Variants in RBM19 observed in about 807,000 individuals in gnomAD.
RBM19 encodes the protein probable RNA-binding protein 19.
A neutral mutation model predicts 116.8 loss-of-function variants in RBM19; 94 were observed. That is an observed-to-expected ratio of 0.80 (90% CI 0.68 to 0.95). The LOEUF (loss-of-function observed/expected upper bound fraction) is 0.95. Among genes scored for constraint, RBM19 ranks in the 40% least tolerant of loss-of-function variants. The probability of loss-of-function intolerance (pLI) is 0.00; values close to 1 mark genes in which losing one functional copy is unlikely to be tolerated. For missense variants in RBM19, 1,161 were observed against 1,220.7 expected (o/e 0.95, Z 0.73); for synonymous variants, 475 against 494.1 (o/e 0.96, Z 0.51).
intron 21 of RBM19, among the ~76,000 whole-genome samples, chr12:113,882,226 C>T (rs1201645258): frequency 6.6e-6 from 1 of 152,168 alleles, no homozygotes; most frequent in Non-Finnish European, 1.5e-5. Flanking sequence ...GAACCCCATT[C>T]CTCTTGCATA....
chr12:113,937,401 T>C (rs1263275371), intron 15 of RBM19: 2 of 319,052 alleles, frequency 6.3e-6, no homozygotes, highest in African/African-American at 2.1e-5. Flanking sequence ...CAGGCCCCCT[T>C]TGTGTTTTTT....
intron 21 of RBM19, among the ~76,000 whole-genome samples, chr12:113,867,567 G>T (rs1878915558): frequency 6.6e-6 from 1 of 152,154 alleles, no homozygotes; most frequent in Non-Finnish European, 1.5e-5. Flanking sequence ...GTTTAAAACT[G>T]ATAAATAATA....
At chr12:113,830,984 G>T (rs1875361356) in intron 23 of RBM19, among the ~76,000 whole-genome samples, 5 of 152,192 alleles carry the variant, frequency 3.3e-5, no homozygotes, top group Non-Finnish European at 2.9e-5. Flanking sequence ...AGTCCAGGGG[G>T]TCGGGGGAGA....
chr12:113,862,731 CG>C (rs960385481), intron 21 of RBM19, among the ~76,000 whole-genome samples: 15 of 152,016 alleles, frequency 9.9e-5, no homozygotes, highest in Non-Finnish European at 2.1e-4. Flanking sequence ...CTCTGCCGCT[CG>C]GGGGGAAGGA....
At chr12:113,828,859 T>C (rs760959009) in intron 23 of RBM19, among the ~76,000 whole-genome samples, 18 of 152,144 alleles carry the variant, frequency 1.2e-4, no homozygotes, top group Non-Finnish European at 2.1e-4. Context: ...CCTACCCAGA[T>C]AGGTCTGCAT....
chr12:113,889,674 A>C (rs201236240), intron 21 of RBM19, among the ~76,000 whole-genome samples: 1,067 of 32,882 alleles, frequency 0.032, 10 homozygotes, highest in African/African-American at 0.21. Flanking sequence ...AACAAACAAC[A>C]AAAAAAAAAA....
At chr12:113,848,597 G>C (rs903607374) in intron 22 of RBM19, among the ~76,000 whole-genome samples, 1 of 152,148 alleles carries the variant, frequency 6.6e-6, no homozygotes, top group African/African-American at 2.4e-5. Context: ...AGGGGCTTTT[G>C]GGTTGGCACA....
chr12:113,955,200 T>C lies in RBM19; in HGVS notation c.852A>G (p.Pro284=). 1.9e-6 allele frequency: 3 copies of C among 1,614,134 alleles called. No homozygotes were observed. Among genetic ancestry groups the C allele is most frequent in the Non-Finnish European group, 2.5e-6 (3 of 1,180,004 alleles). Residue 284 remains proline (P), a synonymous_variant, in exon 7 of 24, where the codon CCA becomes CCG. Transcript: ENST00000261741. ...PPEARAETEK[P]ANQKEPTTCH... ...AGGTGGTGGGTTCCTTCTGGTTTGCTGGTTTCTCTGTCTGAGTGATCACAA... is the reference window on the plus strand; with the variant it reads ...AGGTGGTGGGTTCCTTCTGGTTTGCCGGTTTCTCTGTCTGAGTGATCACAA...
intron 23 of RBM19, 29 bp downstream of exon 23, chr12:113,844,639 G>A (rs1565969990): frequency 6.3e-7 from 1 of 1,592,868 alleles, no homozygotes; most frequent in Non-Finnish European, 8.6e-7. Context: ...GGGCCCATGA[G>A]TCAGCCCAAA....
intron 21 of RBM19, among the ~76,000 whole-genome samples, chr12:113,864,845 A>G (rs1380848199): frequency 6.6e-6 from 1 of 152,190 alleles, no homozygotes; most frequent in African/African-American, 2.4e-5. Flanking sequence ...GTGGGTTTCA[A>G]TGGGTACTAG....
chr12:113,904,690 T>G (rs1306636539), intron 21 of RBM19, among the ~76,000 whole-genome samples: 1 of 152,040 alleles, frequency 6.6e-6, no homozygotes, highest in East Asian at 1.9e-4. Flanking sequence ...CAAACACACA[T>G]AGACACACGG....
Position 113,942,414 on chromosome 12 carries a change from G to A in RBM19, c.1647C>T (p.Ala549=), listed in dbSNP as rs1267431500. ...GGGTTTCCCCCAGAGCCACGCGCAC[G>A]GCCACGCTGCCCTTGGTCTCCTGTG... ...VFDHETKGSV[A]VRVALGETQL... is the part of the protein sequence containing the mutation. The change falls in exon 14 of 24, where the codon GCC becomes GCT. Residue 549 remains alanine (A), a synonymous_variant. Coordinates refer to ENST00000261741, the MANE Select transcript of RBM19 (RefSeq NM_016196.4). The A allele has an allele frequency of 6.8e-6, 11 of 1,607,778 alleles. No individual in the cohort carries two copies. Among genetic ancestry groups the A allele is most frequent in the African/African-American group, 1.3e-5 (1 of 74,870 alleles).
chr12:113,949,960 G>A, intron 9 of RBM19, 123 bp downstream of exon 9: 2 of 895,744 alleles, frequency 2.2e-6, no homozygotes, highest in South Asian at 3.2e-5. Context: ...GCCTAGAACA[G>A]TGTCTGCAGA....
intron 21 of RBM19, among the ~76,000 whole-genome samples, chr12:113,875,088 C>T (rs3782445): frequency 0.05 from 7,681 of 152,294 alleles, 416 homozygotes; most frequent in Admixed American, 0.16. Context: ...GCGGCGAAGC[C>T]ACGGTGCGGA....
downstream of RBM19, chr12:113,818,243 G>A (rs942703151): frequency 2.9e-5 from 4 of 138,586 alleles, no homozygotes; most frequent in African/African-American, 5.6e-5. Flanking sequence ...AAAAAGAAAG[G>A]GTTAGGAACA....
Position 113,937,109 on chromosome 12 carries a change from A to G in RBM19, c.1966T>C (p.Trp656Arg). The G allele has an allele frequency of 6.2e-7, 1 of 1,613,866 alleles. No homozygotes were observed. The highest frequency in any genetic ancestry group is 8.5e-7 in the Non-Finnish European group (1 of 1,179,870). The part of the protein sequence containing the change: ...KFHHVPLYLE[W>R]APVGVFSSTA... ...CTGGAGAAGACGCCAACTGGAGCCCACTCCAGATAGAGGGGGACATGATGG... is the reference window on the plus strand; with the variant it reads ...CTGGAGAAGACGCCAACTGGAGCCCGCTCCAGATAGAGGGGGACATGATGG... Residue 656 changes from tryptophan to arginine, a missense_variant, in exon 16 of 24, where the codon TGG (tryptophan) becomes CGG (arginine). Transcript: ENST00000261741.
chr12:113,909,602 G>A (rs537782371), intron 21 of RBM19, among the ~76,000 whole-genome samples: 8 of 152,158 alleles, frequency 5.3e-5, no homozygotes, highest in Non-Finnish European at 1.0e-4. Context: ...AAGCGAAATC[G>A]GGTCTTGACT....
At chr12:113,871,578 A>G (rs892556816) in intron 21 of RBM19, among the ~76,000 whole-genome samples, 3 of 152,224 alleles carry the variant, frequency 2.0e-5, no homozygotes, top group African/African-American at 7.2e-5. Context: ...GTGAAACTTT[A>G]TTTACCAAAA....
intron 23 of RBM19, 26 bp from the exon 24 acceptor site, chr12:113,823,347 G>A (rs1455470061): frequency 6.2e-7 from 1 of 1,603,968 alleles, no homozygotes; most frequent in Non-Finnish European, 8.5e-7. Context: ...TGGCAAGAGA[G>A]GAGAAAAGAA....
Sources: allele counts gnomAD v4.1 joint callset (sites outside exome capture counted in the v4.1 genomes callset), GRCh38; gene constraint gnomAD v4.1.1; transcripts MANE v1.5; gene names NCBI Gene and HGNC (gene_info 2026-07-23, HGNC 2026-07-21).